The following TG variants were observed in gnomAD, a reference collection of about 807,000 sequenced individuals.
TG encodes the protein thyroglobulin.
A neutral mutation model predicts 324.7 loss-of-function variants in TG; 270 were observed. The ratio of observed to expected loss-of-function variants is 0.83; its 90% CI spans 0.75 to 0.92. TG has a LOEUF of 0.92. TG is among the 40% of genes least tolerant of loss of function. The probability of loss-of-function intolerance (pLI) is 0.00; values close to 1 mark genes in which losing one functional copy is unlikely to be tolerated. For synonymous variants in TG, 1,401 were observed against 1,327.0 expected (o/e 1.06, Z -1.21); for missense variants, 3,591 against 3,456.4 (o/e 1.04, Z -0.98).
At chr8:132,920,432 T>C (rs76243428) in intron 21 of TG, among the ~76,000 whole-genome samples, 6,001 of 152,238 alleles carry the variant, frequency 0.039, 157 homozygotes, top group Non-Finnish European at 0.062. Context: ...AAAGCAGTAA[T>C]AATAGAACAG....
chr8:132,959,893 G>T (rs1429710661), intron 27 of TG, among the ~76,000 whole-genome samples: 1 of 152,136 alleles, frequency 6.6e-6, no homozygotes, highest in Non-Finnish European at 1.5e-5. Context: ...TGAAACCATG[G>T]TTTTTAGTTT....
intron 45 of TG, among the ~76,000 whole-genome samples, chr8:133,118,262 G>A (rs1323442296): frequency 6.6e-6 from 1 of 150,794 alleles, no homozygotes; most frequent in African/African-American, 2.4e-5. Flanking sequence ...GAAAGAAAGG[G>A]CATTCTCATT....
At chr8:132,997,869 T>C (rs1290569163) in intron 35 of TG, among the ~76,000 whole-genome samples, 5 of 152,222 alleles carry the variant, frequency 3.3e-5, no homozygotes, top group African/African-American at 1.2e-4. Flanking sequence ...CCACCATATA[T>C]ATCAAATTTT....
At chr8:132,923,589 C>T in intron 22 of TG, 81 bp downstream of exon 22, 1 of 1,480,906 alleles carries the variant, frequency 6.8e-7, no homozygotes, top group East Asian at 2.3e-5. Context: ...GGGAGAGAAG[C>T]TGGAGGTGCA....
chr8:133,039,953 GCACACA>G lies in TG; in HGVS notation c.7239+9951_7239+9956del, dbSNP rs3835182. 1.8e-5 allele frequency: 26 copies of G among 1,434,296 alleles called. No individual in the cohort carries two copies. In the East Asian group the frequency reaches 4.3e-4, roughly 24 times the overall value. The allele number at this position is 1,434,296 out of a possible 1,614,324, so 88.8% of individuals were successfully genotyped here. A position where few individuals can be genotyped will look rare whatever the true frequency, so the allele number is the denominator to read the frequency against. ...TCACATGTTCACAGAGCACTTGCAT[GCACACA>G]CACACACACACACACACACATACAC... On this transcript the variant is annotated intron_variant, in intron 41 of 47. Transcript: ENST00000220616.
intron 41 of TG, among the ~76,000 whole-genome samples, chr8:133,092,167 A>C (rs1018048526): frequency 6.6e-6 from 1 of 152,088 alleles, no homozygotes; most frequent in Non-Finnish European, 1.5e-5. Flanking sequence ...TGGTACCAAT[A>C]AACTCCTTGA....
intron 40 of TG, among the ~76,000 whole-genome samples, chr8:133,024,081 A>G (rs1028096848): frequency 1.3e-5 from 2 of 152,272 alleles, no homozygotes; most frequent in African/African-American, 4.8e-5. Flanking sequence ...TGAGGCCAGC[A>G]GGGAGCAGCC....
chr8:132,942,069 C>A (rs1458627441), intron 26 of TG, among the ~76,000 whole-genome samples: 2 of 152,190 alleles, frequency 1.3e-5, no homozygotes, highest in African/African-American at 4.8e-5. Context: ...TGAATAGTAT[C>A]TCAGCAATGG....
At chr8:133,009,351 G>A (rs148595412) in intron 35 of TG, among the ~76,000 whole-genome samples, 3 of 152,144 alleles carry the variant, frequency 2.0e-5, no homozygotes, top group Non-Finnish European at 4.4e-5. Flanking sequence ...TGAAAACCCA[G>A]CATCTCTTGC....
intron 35 of TG, among the ~76,000 whole-genome samples, chr8:132,991,912 G>A (rs1157370397): frequency 6.6e-6 from 1 of 152,078 alleles, no homozygotes; most frequent in Non-Finnish European, 1.5e-5. Context: ...AGAAACAGCT[G>A]GCAAACTGGT....
chr8:132,947,619 G>T (rs1435775508), intron 26 of TG, among the ~76,000 whole-genome samples: 2 of 126,322 alleles, frequency 1.6e-5, no homozygotes, highest in African/African-American at 6.2e-5. Flanking sequence ...AGTAGGAGTT[G>T]TGGGATAATA....
chr8:133,049,982 C>G (rs1300492112), intron 41 of TG: 1 of 1,610,564 alleles, frequency 6.2e-7, no homozygotes, highest in Non-Finnish European at 8.5e-7. Flanking sequence ...TCCACCAGCC[C>G]CCTTCACTGT....
chr8:133,080,929 C>T (rs1205962757), intron 41 of TG, among the ~76,000 whole-genome samples: 1 of 152,230 alleles, frequency 6.6e-6, no homozygotes, highest in Admixed American at 6.5e-5. Flanking sequence ...TGCTCCCTCT[C>T]AGAAGGCCAC....
At chr8:132,924,467 C>T (rs1821542204) in intron 22 of TG, among the ~76,000 whole-genome samples, 1 of 152,146 alleles carries the variant, frequency 6.6e-6, no homozygotes, top group Non-Finnish European at 1.5e-5. Flanking sequence ...TCCCTCTGAT[C>T]CTCAGTCTCC....
intron 37 of TG, 93 bp from the exon 38 acceptor site, chr8:133,017,685 C>A (rs141405837): frequency 7.2e-6 from 9 of 1,255,788 alleles, no homozygotes; most frequent in Non-Finnish European, 1.0e-5. Context: ...CGTGATTTTT[C>A]TTTTGTTGAA....
rs146814857 is a variant in TG at position 132,868,142 on chromosome 8, G to A, written c.95G>A (p.Arg32His). 55 of 1,613,966 alleles carry A rather than the reference G, an allele frequency of 3.4e-5. No individual in the cohort carries two copies. Among genetic ancestry groups the A allele is most frequent in the Middle Eastern group, 1.6e-4 (1 of 6,084 alleles). The change falls in exon 2 of 48, where the codon CGT (arginine) becomes CAT (histidine). Residue 32 changes from arginine (R) to histidine (H), a missense_variant. Transcript: ENST00000220616. ...FEYQVDAQPL[R>H]PCELQRETAF... ...TACCAGGTGGATGCCCAGCCCCTTC[G>A]TCCCTGTGAGCTGCAGAGGGAAACG...
At chr8:132,939,954 G>A (rs1824201801) in intron 25 of TG, among the ~76,000 whole-genome samples, 1 of 152,130 alleles carries the variant, frequency 6.6e-6, no homozygotes, top group South Asian at 2.1e-4. Flanking sequence ...GGGATTACAG[G>A]CATGAGCCAC....
At chr8:133,070,960 C>A (rs971820015) in intron 41 of TG, among the ~76,000 whole-genome samples, 3 of 152,222 alleles carry the variant, frequency 2.0e-5, no homozygotes, top group Non-Finnish European at 4.4e-5. Context: ...ATCTAATTTT[C>A]ATTTTCTGCA....
intron 41 of TG, chr8:133,038,580 C>A: frequency 6.2e-7 from 1 of 1,614,154 alleles, no homozygotes; most frequent in Middle Eastern, 1.6e-4. Flanking sequence ...TTGCTGCCAC[C>A]ATACATCAGG....
Sources: allele counts gnomAD v4.1 joint callset (sites outside exome capture counted in the v4.1 genomes callset), GRCh38; gene constraint gnomAD v4.1.1; transcripts MANE v1.5; gene names NCBI Gene and HGNC (gene_info 2026-07-23, HGNC 2026-07-21).